Variants in RIC8B observed in about 807,000 individuals in gnomAD.
RIC8B encodes the protein RIC8 guanine nucleotide exchange factor B.
Under a neutral mutation model 57.5 loss-of-function variants are expected in RIC8B, and 16 were observed. The observed-to-expected ratio is 0.28, with a 90% CI of 0.19 to 0.42. The LOEUF (loss-of-function observed/expected upper bound fraction) is 0.42. Among genes scored for constraint, RIC8B ranks in the 10% least tolerant of loss-of-function variants. The pLI, the probability that RIC8B is intolerant of heterozygous loss-of-function variation, is 1.00. For synonymous variants in RIC8B, 216 were observed against 250.8 expected, an observed-to-expected ratio of 0.86 and a Z score of 1.31; for missense variants, 481 against 677.0, an observed-to-expected ratio of 0.71 and a Z score of 3.21.
chr12:106,824,907 CA>C (rs975951710), intron 3 of RIC8B, among the ~76,000 whole-genome samples: 45 of 140,324 alleles, frequency 3.2e-4, no homozygotes, highest in Admixed American at 3.6e-4. Flanking sequence ...AACTCCATCT[CA>C]AAAAAAAAAA....
chr12:106,845,753 ACTCT>A (rs762559967), intron 6 of RIC8B, among the ~76,000 whole-genome samples: 2 of 151,758 alleles, frequency 1.3e-5, no homozygotes, highest in Non-Finnish European at 2.9e-5. Context: ...CTCTGTACTC[ACTCT>A]CTCTATTCTT....
chr12:106,826,803 T>G (rs2046125645), intron 4 of RIC8B, among the ~76,000 whole-genome samples: 1 of 152,002 alleles, frequency 6.6e-6, no homozygotes, highest in African/African-American at 2.4e-5. Flanking sequence ...TATAAAATAG[T>G]TCAGCTGGGT....
rs778885463 is a variant in RIC8B at position 106,815,024 on chromosome 12, G to A, written c.461G>A (p.Arg154Gln). ...AACCTCCTGAGAAAGTGCAAGGACC[G>A]GAAATTTATCAATGACATTAAGTGC... ...LCNLLRKCKD[R>Q]KFINDIKCFD... The change falls in exon 3 of 10, where the codon CGG (arginine) becomes CAG (glutamine). Residue 154 changes from arginine to glutamine, a missense_variant. Physicochemically the swap from Arg to Gln is conservative, Grantham distance 43. Around this residue, in one of 3 missense-constraint regions of RIC8B, gnomAD observed 421 missense variants for 560.9 expected, o/e 0.75. Transcript: ENST00000392837. 1.9e-6 allele frequency: 3 copies of A among 1,614,182 alleles called. No homozygotes were observed. Among genetic ancestry groups the A allele is most frequent in the South Asian group, 2.2e-5 (2 of 91,072 alleles).
rs749038941 is a variant in RIC8B, at chr12:106,860,314, G to A, written c.1353G>A (p.Leu451=). Residue 451 remains leucine (L), a synonymous_variant, in exon 8 of 10, where the codon CTG becomes CTA. Transcript: ENST00000392837. ...KYTGYGNAAG[L]LAARGLLAGG... ...CTGGCTATGGGAATGCTGCAGGACTGTTGGCGGCCAGGGGCCTCTTGGCTG... is the reference window on the plus strand; with the variant it reads ...CTGGCTATGGGAATGCTGCAGGACTATTGGCGGCCAGGGGCCTCTTGGCTG... 49 of 1,609,410 alleles carry A rather than the reference G, an allele frequency of 3.0e-5. No individual in the cohort carries two copies. Among genetic ancestry groups the A allele is most frequent in the Non-Finnish European group, 3.9e-5 (46 of 1,177,722 alleles).
At chr12:106,822,088 A>AG (rs2045873452) in intron 3 of RIC8B, among the ~76,000 whole-genome samples, 2 of 150,344 alleles carry the variant, frequency 1.3e-5, no homozygotes, top group African/African-American at 4.9e-5. Flanking sequence ...AAAAAAAAAA[A>AG]AAAAAAAAAA....
chr12:106,882,542 T>C (rs1414290257), intron 9 of RIC8B, among the ~76,000 whole-genome samples: 1 of 152,154 alleles, frequency 6.6e-6, no homozygotes, highest in Non-Finnish European at 1.5e-5. Context: ...CAGCCAAGAT[T>C]ATCACGACCC....
chr12:106,881,263 C>G (rs1015459797), intron 9 of RIC8B, among the ~76,000 whole-genome samples: 9 of 151,986 alleles, frequency 5.9e-5, no homozygotes, highest in African/African-American at 2.2e-4. Context: ...TACCTTTGTA[C>G]TCAAGTCCAG....
At chr12:106,825,643 G>A (rs1170098327) in intron 3 of RIC8B, 83 bp from the exon 4 acceptor site, 1 of 934,578 alleles carries the variant, frequency 1.1e-6, no homozygotes, top group Non-Finnish European at 1.8e-6. Flanking sequence ...TGTTTGGGGT[G>A]GGCAAGAGAT....
At chr12:106,813,925 TA>T (rs1186593264) in intron 2 of RIC8B, among the ~76,000 whole-genome samples, 1 of 152,148 alleles carries the variant, frequency 6.6e-6, no homozygotes, top group Non-Finnish European at 1.5e-5. Flanking sequence ...GACAATGGTA[TA>T]AAAAAATCCT....
intron 2 of RIC8B, among the ~76,000 whole-genome samples, chr12:106,791,625 T>C (rs2044263223): frequency 6.6e-6 from 1 of 152,236 alleles, no homozygotes; most frequent in Non-Finnish European, 1.5e-5. Flanking sequence ...CAAATGTATT[T>C]AGCATATTAG....
intron 1 of RIC8B, among the ~76,000 whole-genome samples, chr12:106,776,365 A>G (rs1034312393): frequency 2.0e-5 from 3 of 152,222 alleles, no homozygotes; most frequent in Non-Finnish European, 4.4e-5. Flanking sequence ...GCTTTCCAGA[A>G]AAGATATAAG....
intron 9 of RIC8B, among the ~76,000 whole-genome samples, chr12:106,878,737 T>G (rs556861244): frequency 2.0e-5 from 3 of 152,122 alleles, no homozygotes; most frequent in Admixed American, 6.6e-5. Context: ...AAAACAAGTA[T>G]GTAACAGAAC....
At position 106,867,731 on chromosome 12, in the gene RIC8B, G is replaced by C. The variant is rs1335490888; in HGVS notation, c.1452-3092G>C. Among the ~76,000 whole-genome samples, 1 of 152,158 alleles carries C rather than the reference G, an allele frequency of 6.6e-6. No homozygotes were observed. Among genetic ancestry groups the C allele is most frequent in the Non-Finnish European group, 1.5e-5 (1 of 68,014 alleles). ...GCGGGAGAAGAGACAGTGTTCATCT[G>C]CCTTCTGCCACAGCACACTGGCATT... On this transcript the variant is annotated intron_variant, in intron 8 of 9. Coordinates refer to ENST00000392837, the MANE Select transcript of RIC8B (RefSeq NM_001330145.2). This position sits in a 1 kb window ranked among gnomAD's most constrained non-coding sequence, Gnocchi z 4.3.
intron 2 of RIC8B, among the ~76,000 whole-genome samples, chr12:106,808,788 TATCA>T (rs1243856628): frequency 6.6e-6 from 1 of 152,212 alleles, no homozygotes; most frequent in African/African-American, 2.4e-5. Flanking sequence ...TGAACTGTGG[TATCA>T]ATCTTTTAAA....
intron 9 of RIC8B, among the ~76,000 whole-genome samples, chr12:106,885,328 A>G (rs996130484): frequency 1.3e-5 from 2 of 152,066 alleles, no homozygotes; most frequent in Admixed American, 6.6e-5. Context: ...GGAGGAGGAA[A>G]GAAAGAGTGA....
chr12:106,802,906 T>C (rs770686996), intron 2 of RIC8B, among the ~76,000 whole-genome samples: 7 of 151,920 alleles, frequency 4.6e-5, no homozygotes, highest in Non-Finnish European at 7.4e-5. Context: ...TAAGGAAATA[T>C]CAGTTTAAAA....
chr12:106,885,935 C>T lies in RIC8B; in HGVS notation c.1603C>T (p.Pro535Ser). 1 of 1,613,548 alleles carries T rather than the reference C, an allele frequency of 6.2e-7. No homozygotes were observed. Among genetic ancestry groups the T allele is most frequent in the Non-Finnish European group, 8.5e-7 (1 of 1,179,782 alleles). The change falls in exon 10 of 10, where the codon CCT becomes TCT. Residue 535 changes from proline to serine, a missense_variant. By Grantham distance (74) the Pro-to-Ser change is moderately conservative. Around this residue, in one of 3 missense-constraint regions of RIC8B, gnomAD observed 43 missense variants for 99.8 expected, o/e 0.43. Coordinates refer to ENST00000392837, the MANE Select transcript of RIC8B (RefSeq NM_001330145.2). ...EELLKPMGLK[P>S]DGTITPLEEA... The stretch of plus-strand genomic sequence containing the variant: ...GTTGCTTAAACCAATGGGACTAAAA[C>T]CTGATGGGACAATAACGCCTTTGGA...
In RIC8B at chr12:106,790,261, G is replaced by C. The variant is rs116803803; in HGVS notation, c.132+6217G>C. 4.6e-3 allele frequency among the ~76,000 whole-genome samples: 700 copies of C among 152,210 alleles called. 4 individuals carry two copies. The highest frequency in any genetic ancestry group is 0.016 in the African/African-American group (673 of 41,514). ...TTACCATTGAGGTATATTTCAGAAG[G>C]CTTGAAATTATCATCCAGTACCTTG... On this transcript the variant is annotated intron_variant, in intron 2 of 9. Transcript: ENST00000392837.
chr12:106,885,864 T>C lies in RIC8B; in HGVS notation c.1572-40T>C, dbSNP rs900863287. 8 of 1,352,636 alleles carry C rather than the reference T, an allele frequency of 5.9e-6. No homozygotes were observed. The African/African-American group carries it at 1.0e-4, about 17-fold the overall frequency. 83.8% of individuals were successfully genotyped at this position (1,352,636 alleles called of 1,614,324 possible). A position where few individuals can be genotyped will look rare whatever the true frequency, so the allele number is the denominator to read the frequency against. On this transcript the variant is annotated intron_variant, in intron 9 of 9. Coordinates refer to ENST00000392837, the MANE Select transcript of RIC8B (RefSeq NM_001330145.2). ...GGGAGGGGTGTGTGTGTGATGCTGG[T>C]GAATACTTTTTTTTCTCTCTCTTTT... is the stretch of plus-strand genomic sequence containing the variant.
Sources: gnomAD v4.1 joint callset for allele counts (sites outside exome capture counted in the v4.1 genomes callset) on GRCh38, gnomAD v4.1.1 for gene constraint, gnomAD v4.1.1 regional missense constraint, Gnocchi (gnomAD v3.1) non-coding constraint, MANE v1.5 for transcripts, NCBI Gene and HGNC (gene_info 2026-07-23, HGNC 2026-07-21) for gene names.